CHODL: variants seen among roughly 807,000 people sequenced by gnomAD.
The protein encoded by CHODL is chondrolectin.
CHODL carries 29 observed loss-of-function variants against 34.5 expected under a neutral mutation model. The observed-to-expected ratio is 0.84, with a 90% CI of 0.63 to 1.15. CHODL has a LOEUF of 1.15. Among genes scored for constraint, CHODL ranks in the 50% most tolerant of loss-of-function variants. CHODL has a pLI of 0.00. For synonymous variants in CHODL, 125 were observed against 116.1 expected, an observed-to-expected ratio of 1.08 and a Z score of -0.49; for missense variants, 332 against 332.5, an observed-to-expected ratio of 1.00 and a Z score of 0.01.
intron 2 of CHODL, among the ~76,000 whole-genome samples, chr21:18,234,440 G>GT (rs1314022508): frequency 6.6e-6 from 1 of 151,960 alleles, no homozygotes; most frequent in Non-Finnish European, 1.5e-5. Flanking sequence ...TCTGGTACAT[G>GT]TTTTTTTCCT....
At chr21:18,118,143 G>T (rs76624332) in intron 2 of CHODL, among the ~76,000 whole-genome samples, 3 of 152,254 alleles carry the variant, frequency 2.0e-5, no homozygotes, top group Non-Finnish European at 2.9e-5. Context: ...GATTTAACTG[G>T]TTTTTTAAAA....
intron 2 of CHODL, among the ~76,000 whole-genome samples, chr21:18,151,095 AAAAAAAAAAAG>A (rs1258970385): frequency 3.3e-5 from 5 of 149,564 alleles, no homozygotes; most frequent in Non-Finnish European, 7.4e-5. Context: ...AAAAAAAAAA[AAAAAAAAAAAG>A]AAAGAAATTC....
At chr21:18,163,549 C>T (rs956026620) in intron 2 of CHODL, among the ~76,000 whole-genome samples, 2 of 152,028 alleles carry the variant, frequency 1.3e-5, no homozygotes, top group Non-Finnish European at 1.5e-5. Flanking sequence ...AGGTTCTATA[C>T]TTTGTTACTA....
intron 1 of CHODL, among the ~76,000 whole-genome samples, chr21:18,007,369 A>C (rs867453261): frequency 4.6e-5 from 7 of 152,328 alleles, no homozygotes; most frequent in Admixed American, 2.0e-4. Context: ...TGTTTATCCA[A>C]TATGTATTTA....
At chr21:18,146,256 C>T (rs1392702754) in intron 2 of CHODL, among the ~76,000 whole-genome samples, 1 of 151,866 alleles carries the variant, frequency 6.6e-6, no homozygotes, top group Non-Finnish European at 1.5e-5. Context: ...GGATTACAGG[C>T]GTGAGCCACA....
At chr21:18,214,019 T>G (rs2073799403) in intron 2 of CHODL, among the ~76,000 whole-genome samples, 1 of 152,094 alleles carries the variant, frequency 6.6e-6, no homozygotes, top group Non-Finnish European at 1.5e-5. Context: ...TGGGGAACAA[T>G]GCCAAGTCTT....
intron 2 of CHODL, among the ~76,000 whole-genome samples, chr21:18,175,828 T>C (rs923194630): frequency 1.3e-5 from 2 of 150,260 alleles, no homozygotes; most frequent in African/African-American, 2.4e-5. Context: ...AGCCAGAGAG[T>C]GGCTGGCAAA....
chr21:18,025,190 G>A (rs1031582422), intron 1 of CHODL, among the ~76,000 whole-genome samples: 4 of 152,066 alleles, frequency 2.6e-5, no homozygotes, highest in African/African-American at 9.7e-5. Flanking sequence ...TTTAAAAGTA[G>A]ACATTTATGT....
intron 2 of CHODL, among the ~76,000 whole-genome samples, chr21:18,106,483 T>C (rs888025258): frequency 2.2e-5 from 3 of 136,070 alleles, no homozygotes; most frequent in African/African-American, 1.0e-4. Context: ...TTCTTTTTTC[T>C]TTTTTCTTTT....
intron 2 of CHODL, among the ~76,000 whole-genome samples, chr21:18,168,430 T>G (rs1045100856): frequency 2.0e-5 from 3 of 152,202 alleles, no homozygotes; most frequent in Non-Finnish European, 4.4e-5. Flanking sequence ...ACTTGAGTTG[T>G]CAACACTAAT....
At chr21:18,186,651 T>G (rs1283184621) in intron 2 of CHODL, among the ~76,000 whole-genome samples, 1 of 152,222 alleles carries the variant, frequency 6.6e-6, no homozygotes, top group East Asian at 1.9e-4. Flanking sequence ...TAAAGTGAAG[T>G]GCATACTTTA....
intron 1 of CHODL, among the ~76,000 whole-genome samples, chr21:17,948,380 A>C (rs996545811): frequency 2.0e-5 from 3 of 152,006 alleles, no homozygotes; most frequent in Admixed American, 6.6e-5. Context: ...TTACACTTCA[A>C]GAAATAAAAA....
intron 2 of CHODL, among the ~76,000 whole-genome samples, chr21:18,057,132 A>G (rs2064591949): frequency 1.3e-5 from 2 of 152,110 alleles, no homozygotes. Flanking sequence ...TTCCAATTTC[A>G]TCCTTGAGGG....
intron 2 of CHODL, among the ~76,000 whole-genome samples, chr21:18,075,712 T>C (rs189887572): frequency 2.0e-5 from 3 of 152,284 alleles, no homozygotes; most frequent in East Asian, 1.9e-4. Flanking sequence ...CTATTTTGTG[T>C]CCATCTGTAC....
chr21:18,197,187 A>G (rs989461960), intron 2 of CHODL, among the ~76,000 whole-genome samples: 3 of 152,206 alleles, frequency 2.0e-5, no homozygotes, highest in African/African-American at 4.8e-5. Flanking sequence ...TATAACTAAT[A>G]TACTGAAGTA....
intron 1 of CHODL, among the ~76,000 whole-genome samples, chr21:17,962,222 T>C (rs931045490): frequency 2.0e-5 from 3 of 152,240 alleles, no homozygotes; most frequent in Admixed American, 2.0e-4. Context: ...AGATGTAACC[T>C]AAACTTATCC....
At chr21:18,132,842 G>A (rs1435940131) in intron 2 of CHODL, among the ~76,000 whole-genome samples, 6 of 151,724 alleles carry the variant, frequency 4.0e-5, no homozygotes, top group African/African-American at 4.8e-5. Flanking sequence ...CCTCCATCCC[G>A]TCCAATTATG....
chr21:18,167,849 C>T (rs924181870), intron 2 of CHODL, among the ~76,000 whole-genome samples: 6 of 152,106 alleles, frequency 3.9e-5, no homozygotes, highest in African/African-American at 1.2e-4. Context: ...AAGTATTGTT[C>T]CTGGGTTTGT....
intron 2 of CHODL, among the ~76,000 whole-genome samples, chr21:18,059,204 G>A (rs1290412148): frequency 1.3e-5 from 2 of 152,146 alleles, no homozygotes; most frequent in East Asian, 3.9e-4. Context: ...ACAGAGAAAG[G>A]TCATGTGAGG....
Sources: gnomAD v4.1 joint callset for allele counts (sites outside exome capture counted in the v4.1 genomes callset) on GRCh38, gnomAD v4.1.1 for gene constraint, MANE v1.5 for transcripts, NCBI Gene and HGNC (gene_info 2026-07-23, HGNC 2026-07-21) for gene names.